JOSD1: variants seen among roughly 807,000 people sequenced by gnomAD.
The protein encoded by JOSD1 is josephin-1.
In JOSD1, 11 loss-of-function variants were observed where a neutral mutation model predicts 24.3. That is an observed-to-expected ratio of 0.45 (90% CI 0.29 to 0.75). JOSD1 has a LOEUF of 0.75. Among genes scored for constraint, JOSD1 ranks in the 30% least tolerant of loss-of-function variants. JOSD1 has a pLI of 0.11. For synonymous variants in JOSD1, 106 were observed against 93.8 expected (o/e 1.13, Z -0.75); for missense variants, 184 against 253.5 (o/e 0.73, Z 1.86).
At chr22:38,689,463 T>A in intron 2 of JOSD1, 39 bp from the exon 3 acceptor site, 1 of 1,611,844 alleles carries the variant, frequency 6.2e-7, no homozygotes, top group Non-Finnish European at 8.5e-7. Context: ...ACTTGCTGGA[T>A]GCCTGAACCC....
chr22:38,691,584 T>C (rs968106591), intron 2 of JOSD1, among the ~76,000 whole-genome samples: 9 of 152,206 alleles, frequency 5.9e-5, no homozygotes, highest in African/African-American at 1.9e-4. Context: ...TGTGCACTCA[T>C]GCACTCACTG....
At chr22:38,690,489 G>A (rs911804257) in intron 2 of JOSD1, among the ~76,000 whole-genome samples, 13 of 151,488 alleles carry the variant, frequency 8.6e-5, no homozygotes, top group Admixed American at 3.9e-4. Context: ...TGCAACCTCC[G>A]TCTCCTGCGT....
intron 2 of JOSD1, among the ~76,000 whole-genome samples, chr22:38,697,005 C>T (rs1391043753): frequency 6.6e-6 from 1 of 152,348 alleles, no homozygotes; most frequent in East Asian, 1.9e-4. Context: ...AAATTGATCA[C>T]TTTTCACTTT....
At chr22:38,688,829 G>A in intron 4 of JOSD1, 106 bp downstream of exon 4, 1 of 1,044,494 alleles carries the variant, frequency 9.6e-7, no homozygotes, top group South Asian at 1.5e-5. Context: ...GAATCCAAGG[G>A]CACAGGAATT....
At chr22:38,695,148 G>A (rs1222216420) in intron 2 of JOSD1, among the ~76,000 whole-genome samples, 1 of 152,160 alleles carries the variant, frequency 6.6e-6, no homozygotes. Flanking sequence ...CAAAGAGCTA[G>A]GCACACATTA....
chr22:38,692,991 T>G (rs1315650092), intron 2 of JOSD1, among the ~76,000 whole-genome samples: 2 of 152,018 alleles, frequency 1.3e-5, no homozygotes, highest in African/African-American at 2.4e-5. Flanking sequence ...GGCTCAAACC[T>G]TAGAGCGGCG....
At position 38,700,348 on chromosome 22, in the gene JOSD1, C is replaced by G. The variant is rs1487174452; in HGVS notation, c.-361G>C. ...TCTTGCTGTTTCCCTCTGCAAATGC[C>G]AGGCCTCAAAGCAGGAGGACCGAAC... On this transcript the variant is annotated 5_prime_UTR_variant, in exon 2 of 5. Transcript: ENST00000683374. 2 of 1,012,316 alleles carry G rather than the reference C, an allele frequency of 2.0e-6. No homozygotes were observed. Among genetic ancestry groups the G allele is most frequent in the African/African-American group, 3.5e-5 (2 of 57,656 alleles). The allele number at this position is 1,012,316 out of a possible 1,614,324, so 62.7% of individuals were successfully genotyped here.
intron 2 of JOSD1, among the ~76,000 whole-genome samples, chr22:38,690,371 T>C (rs1010235990): frequency 2.6e-4 from 39 of 152,132 alleles, no homozygotes; most frequent in Admixed American, 7.9e-4. Context: ...TTTTAAAATT[T>C]TTCTGTGCAC....
At chr22:38,689,490 C>T in intron 2 of JOSD1, 66 bp from the exon 3 acceptor site, 1 of 1,595,666 alleles carries the variant, frequency 6.3e-7, no homozygotes. Context: ...CCCGCACTAC[C>T]AGGGATGGAG....
At chr22:38,697,339 C>T (rs980483917) in intron 2 of JOSD1, among the ~76,000 whole-genome samples, 2 of 152,268 alleles carry the variant, frequency 1.3e-5, no homozygotes, top group Admixed American at 6.5e-5. Flanking sequence ...GGACAGAATA[C>T]ATGCCCTTAT....
chr22:38,700,500 C>A lies in JOSD1; in HGVS notation c.-513G>T. 1 of 986,032 alleles carries A rather than the reference C, an allele frequency of 1.0e-6. No homozygotes were observed. The highest frequency in any genetic ancestry group is 1.2e-6 in the Non-Finnish European group (1 of 830,398). 61.1% of individuals were successfully genotyped at this position (986,032 alleles called of 1,614,324 possible). A position where few individuals can be genotyped will look rare whatever the true frequency, so the allele number is the denominator to read the frequency against. ...CGAGTAGCTAGCGCGGGCCGGCAGGCGTGGGACCGCGAGCCGCGCGGGGGC... is the reference window on the plus strand; with the variant it reads ...CGAGTAGCTAGCGCGGGCCGGCAGGAGTGGGACCGCGAGCCGCGCGGGGGC... On this transcript the variant is annotated 5_prime_UTR_variant, in exon 2 of 5. Coordinates refer to ENST00000683374, the MANE Select transcript of JOSD1 (RefSeq NM_001360236.2).
chr22:38,693,350 CT>C (rs1375297307), intron 2 of JOSD1, among the ~76,000 whole-genome samples: 36 of 152,296 alleles, frequency 2.4e-4, no homozygotes, highest in Middle Eastern at 6.8e-3. Context: ...TACCTCACAC[CT>C]TGACTTCTGA....
chr22:38,689,500 G>A (rs1255362907), intron 2 of JOSD1, 76 bp from the exon 3 acceptor site: 45 of 1,572,876 alleles, frequency 2.9e-5, no homozygotes, highest in Non-Finnish European at 3.6e-5. Context: ...CAGGGATGGA[G>A]AGCACTTTAC....
At position 38,700,024 on chromosome 22, in the gene JOSD1, C is replaced by T. The variant is rs760878762; in HGVS notation, c.-37G>A. The T allele has an allele frequency of 2.9e-5, 44 of 1,543,074 alleles. No homozygotes were observed. Among genetic ancestry groups the T allele is most frequent in the East Asian group, 4.5e-5 (2 of 44,242 alleles). ...TAGGTTCCAGAGATGGCTATAAACACCCCACTCTTCCCTCTAGAGGAAGAA... is the reference window on the plus strand; with the variant it reads ...TAGGTTCCAGAGATGGCTATAAACATCCCACTCTTCCCTCTAGAGGAAGAA... On this transcript the variant is annotated 5_prime_UTR_variant, in exon 2 of 5. The change creates a new upstream start codon in the 5' untranslated region. Coordinates refer to ENST00000683374, the MANE Select transcript of JOSD1 (RefSeq NM_001360236.2).
intron 2 of JOSD1, among the ~76,000 whole-genome samples, chr22:38,691,036 T>TA (rs2092519700): frequency 2.0e-5 from 3 of 151,764 alleles, no homozygotes; most frequent in Non-Finnish European, 2.9e-5. Context: ...AGACTCCGTC[T>TA]CAAAAAACAA....
At chr22:38,696,315 G>A (rs1290765015) in intron 2 of JOSD1, among the ~76,000 whole-genome samples, 1 of 151,216 alleles carries the variant, frequency 6.6e-6, no homozygotes, top group Non-Finnish European at 1.5e-5. Flanking sequence ...TTGGCTCACT[G>A]CAACCTCTAC....
At chr22:38,701,086 C>T (rs2092568604), upstream of JOSD1, 2 of 690,184 alleles carry the variant, frequency 2.9e-6, no homozygotes, top group Non-Finnish European at 3.6e-6. Flanking sequence ...TCGGCACCGG[C>T]CTGGGAGCCG....
upstream of JOSD1, chr22:38,701,011 CG>C (rs1349208942): frequency 1.0e-6 from 1 of 977,846 alleles, no homozygotes; most frequent in African/African-American, 1.8e-5. Context: ...GCTCCGGAAA[CG>C]CCCTCCCGCG....
intron 2 of JOSD1, among the ~76,000 whole-genome samples, chr22:38,697,598 T>C (rs1384200023): frequency 6.6e-6 from 1 of 152,240 alleles, no homozygotes; most frequent in Non-Finnish European, 1.5e-5. Flanking sequence ...CAGCTACTGA[T>C]AGCACTCTAC....
Sources: allele counts gnomAD v4.1 joint callset (sites outside exome capture counted in the v4.1 genomes callset), GRCh38; gene constraint gnomAD v4.1.1; transcripts MANE v1.5; gene names NCBI Gene and HGNC (gene_info 2026-07-23, HGNC 2026-07-21).